Variants in RAB20 observed in about 807,000 individuals in gnomAD.
RAB20 encodes RAB20, member RAS oncogene family, also known as ras-related protein Rab-20.
Under a neutral mutation model 3.7 loss-of-function variants are expected in RAB20, and 2 were observed. That is an observed-to-expected ratio of 0.54 (90% confidence interval 0.22 to 1.69). RAB20 has a LOEUF of 1.69. RAB20 is among the 40% of genes most tolerant of loss of function. The pLI is 0.19. For synonymous variants in RAB20, 126 were observed against 130.8 expected (o/e 0.96, Z 0.25); for missense variants, 276 against 311.9 (o/e 0.88, Z 0.87).
At chr13:110,538,051 G>A (rs1164029518) in intron 1 of RAB20, among the ~76,000 whole-genome samples, 1 of 152,066 alleles carries the variant, frequency 6.6e-6, no homozygotes, top group Non-Finnish European at 1.5e-5. Flanking sequence ...ACCAGTCTGG[G>A]CAACATGGCA....
chr13:110,554,251 A>T (rs331598), intron 1 of RAB20, among the ~76,000 whole-genome samples: 2 of 152,380 alleles, frequency 1.3e-5, no homozygotes, highest in African/African-American at 2.4e-5. Flanking sequence ...AAAGTGCCGA[A>T]TGTCAGCCAG....
At position 110,561,681 on chromosome 13, in the gene RAB20, G is replaced by C; in HGVS notation, c.-162C>G. On this transcript the variant is annotated 5_prime_UTR_variant, in exon 1 of 2. Coordinates refer to ENST00000267328, the MANE Select transcript of RAB20 (RefSeq NM_017817.3). ...TCCGGACGCCCGGGAGCTCAAGAGA[G>C]GAAGCGCGTGTGCGCGCCCGGGAAG... 1 of 1,257,754 alleles carries C rather than the reference G, an allele frequency of 8.0e-7. No individual in the cohort carries two copies. 77.9% of individuals were successfully genotyped at this position (1,257,754 alleles called of 1,614,324 possible). A position where few individuals can be genotyped will look rare whatever the true frequency, so the allele number is the denominator to read the frequency against.
At chr13:110,557,019 A>C (rs1414149071) in intron 1 of RAB20, among the ~76,000 whole-genome samples, 1 of 152,214 alleles carries the variant, frequency 6.6e-6, no homozygotes, top group Non-Finnish European at 1.5e-5. Flanking sequence ...GATGGTTGGC[A>C]GGAAGGTGCA....
At chr13:110,535,324 C>T (rs1009158695) in intron 1 of RAB20, among the ~76,000 whole-genome samples, 2 of 152,220 alleles carry the variant, frequency 1.3e-5, no homozygotes, top group African/African-American at 2.4e-5. Context: ...ACCCCCAACC[C>T]GAACCCACCC....
chr13:110,537,302 G>A (rs1315255296), intron 1 of RAB20, among the ~76,000 whole-genome samples: 2 of 151,700 alleles, frequency 1.3e-5, no homozygotes, highest in Non-Finnish European at 2.9e-5. Flanking sequence ...GAGCTACCAC[G>A]CCCGGCCGCT....
chr13:110,558,016 G>A (rs1161316121), intron 1 of RAB20, among the ~76,000 whole-genome samples: 1 of 152,272 alleles, frequency 6.6e-6, no homozygotes, highest in African/African-American at 2.4e-5. Flanking sequence ...TCCAGGGCCT[G>A]CGGGGCAGCG....
At chr13:110,537,740 C>T (rs947558688) in intron 1 of RAB20, among the ~76,000 whole-genome samples, 4 of 151,978 alleles carry the variant, frequency 2.6e-5, no homozygotes, top group African/African-American at 9.7e-5. Context: ...TGAGCCCTCA[C>T]TATGTGCAGG....
At chr13:110,539,662 C>T (rs894485216) in intron 1 of RAB20, among the ~76,000 whole-genome samples, 3 of 151,366 alleles carry the variant, frequency 2.0e-5, no homozygotes, top group Non-Finnish European at 4.4e-5. Context: ...CGGGCTCAAG[C>T]GATTCTCTTG....
At chr13:110,544,887 G>A (rs1028127636) in intron 1 of RAB20, among the ~76,000 whole-genome samples, 1 of 152,186 alleles carries the variant, frequency 6.6e-6, no homozygotes, top group Non-Finnish European at 1.5e-5. Flanking sequence ...GTTGTGGGAG[G>A]GACCCACAGG....
chr13:110,527,208 G>A (rs992805587), intron 1 of RAB20, among the ~76,000 whole-genome samples: 1 of 152,038 alleles, frequency 6.6e-6, no homozygotes, highest in Non-Finnish European at 1.5e-5. Flanking sequence ...CTCAAACCTT[G>A]CTGGGCGATG....
At chr13:110,536,437 T>C (rs1381364613) in intron 1 of RAB20, among the ~76,000 whole-genome samples, 2 of 152,192 alleles carry the variant, frequency 1.3e-5, no homozygotes, top group Non-Finnish European at 2.9e-5. Flanking sequence ...CCAAGGTCCA[T>C]GTGACAGTCA....
chr13:110,561,427 C>G lies in RAB20; in HGVS notation c.93G>C (p.Pro31=). ...LLQRYMERRF[P]DTVSTVGGAF... is the part of the protein sequence containing the mutation. ...CGCCGCCCACCGTGCTGACCGTGTC[C>G]GGGAAGCGCCGCTCCATATACCGCT... is the stretch of plus-strand genomic sequence containing the variant. The change falls in exon 1 of 2, where the codon CCG becomes CCC. Residue 31 remains proline (P), a synonymous_variant. Coordinates refer to ENST00000267328, the MANE Select transcript of RAB20 (RefSeq NM_017817.3). 1 of 1,609,720 alleles carries G rather than the reference C, an allele frequency of 6.2e-7. No homozygotes were observed. The highest frequency in any genetic ancestry group is 8.5e-7 in the Non-Finnish European group (1 of 1,177,992).
chr13:110,545,565 G>A (rs146877017), intron 1 of RAB20, among the ~76,000 whole-genome samples: 2 of 152,258 alleles, frequency 1.3e-5, no homozygotes, highest in East Asian at 3.9e-4. Context: ...AAATGAGCAA[G>A]TTCACACTCA....
At chr13:110,539,564 G>C (rs9301461) in intron 1 of RAB20, among the ~76,000 whole-genome samples, 1 of 90,482 alleles carries the variant, frequency 1.1e-5, no homozygotes. Flanking sequence ...TGGGTTTTTT[G>C]TTTTTTTTTT....
chr13:110,561,261 C>A (rs1885124113), intron 1 of RAB20, 87 bp downstream of exon 1: 1 of 1,421,376 alleles, frequency 7.0e-7, no homozygotes, highest in South Asian at 1.5e-5. Flanking sequence ...GGACCCTGTG[C>A]GCGGCCGGGT....
At chr13:110,547,328 G>A (rs759961926) in intron 1 of RAB20, among the ~76,000 whole-genome samples, 19 of 152,212 alleles carry the variant, frequency 1.2e-4, no homozygotes, top group South Asian at 2.1e-4. Flanking sequence ...AATGAAGTGC[G>A]CTTAATTCTA....
chr13:110,553,029 C>T (rs331595), intron 1 of RAB20, among the ~76,000 whole-genome samples: 143,665 of 152,308 alleles, frequency 0.94, 67,816 homozygotes, highest in African/African-American at 0.97. Context: ...GCCAGGACAA[C>T]CAATTAATTC....
intron 1 of RAB20, among the ~76,000 whole-genome samples, chr13:110,527,922 C>G (rs1375091655): frequency 6.7e-6 from 1 of 149,422 alleles, no homozygotes. Context: ...CACACACACA[C>G]ACACACACAC....
In RAB20 at chr13:110,552,369, ACT is replaced by A. The variant is rs571235529; in HGVS notation, c.172+8977_172+8978del. Among the ~76,000 whole-genome samples, 469 of 136,064 alleles carry A rather than the reference ACT, an allele frequency of 3.4e-3. 1 individual carries two copies. Among genetic ancestry groups the A allele is most frequent in the African/African-American group, 0.012 (419 of 34,774 alleles). The allele number at this position is 136,064 out of a possible 152,430, so 89.3% of individuals were successfully genotyped here. A position where few individuals can be genotyped will look rare whatever the true frequency, so the allele number is the denominator to read the frequency against. On this transcript the variant is annotated intron_variant, in intron 1 of 1. Coordinates refer to ENST00000267328, the MANE Select transcript of RAB20 (RefSeq NM_017817.3). ...ACTCCAGCCTGGGCAACAGAGTGAG[ACT>A]CTGTCTCAAAAAAAAAAAAAAATTA...
Sources: allele counts gnomAD v4.1 joint callset (sites outside exome capture counted in the v4.1 genomes callset), GRCh38; gene constraint gnomAD v4.1.1; transcripts MANE v1.5; gene names NCBI Gene and HGNC (gene_info 2026-07-23, HGNC 2026-07-21).